The following LAMA5 variants were observed in gnomAD, a reference collection of about 807,000 sequenced individuals.
LAMA5 encodes laminin subunit alpha 5, also known as laminin subunit alpha-5.
LAMA5 carries 260 observed loss-of-function variants against 433.4 expected under a neutral mutation model. That is an observed-to-expected ratio of 0.60 (90% confidence interval 0.54 to 0.66). The LOEUF (loss-of-function observed/expected upper bound fraction) is 0.66, where lower values mean the gene tolerates loss of function less well. Ranked by LOEUF, LAMA5 falls within the 30% of genes least tolerant of loss-of-function variation. The probability of loss-of-function intolerance (pLI) is 0.00; values close to 1 mark genes in which losing one functional copy is unlikely to be tolerated. For missense variants in LAMA5, 5,378 were observed against 5,258.5 expected, an observed-to-expected ratio of 1.02 and a Z score of -0.70; for synonymous variants, 2,620 against 2,226.6, an observed-to-expected ratio of 1.18 and a Z score of -4.97.
In LAMA5 at chr20:62,312,702, G is replaced by C. The variant is rs374561766; in HGVS notation, c.9157C>G (p.Gln3053Glu). 1.5e-4 allele frequency: 233 copies of C among 1,605,228 alleles called. No homozygotes were observed. The Middle Eastern group carries it at 2.0e-3, about 14-fold the overall frequency. The change falls in exon 67 of 80, where the codon CAG (glutamine) becomes GAG (glutamate). Residue 3053 changes from glutamine (Q) to glutamate (E), a missense_variant. Gln to Glu is a conservative substitution (Grantham distance 29). Transcript: ENST00000252999. Reference protein sequence around the residue: ...VERATVYSVEQDNDLELADAY... With the variant: ...VERATVYSVEEDNDLELADAY... ...TCGGCCAGCTCCAGATCATTGTCCT[G>C]CTCCACGCTGTACACCGTGGCCCGC...
rs1986705083 is a variant in LAMA5 at position 62,314,433 on chromosome 20, C to T, written c.8375G>A (p.Gly2792Glu). Reference protein sequence around the residue: ...VMYMGSRQATGDYMGVSLRDK... With the variant: ...VMYMGSRQATEDYMGVSLRDK... ...ACGCAGAGACACACCCATGTAGTCCCCAGTGGCCTGCGGCAGTGACAGACA... is the reference window on the plus strand; with the variant it reads ...ACGCAGAGACACACCCATGTAGTCCTCAGTGGCCTGCGGCAGTGACAGACA... Residue 2792 changes from glycine to glutamate, a missense_variant, in exon 62 of 80, where the codon GGG becomes GAG. Gly to Glu is a moderately conservative substitution (Grantham distance 98, BLOSUM62 -2). Transcript: ENST00000252999. 4 of 1,613,412 alleles carry T rather than the reference C, an allele frequency of 2.5e-6. No homozygotes were observed. Among genetic ancestry groups the T allele is most frequent in the Admixed American group, 1.7e-5 (1 of 60,012 alleles).
chr20:62,333,414 G>C lies in LAMA5; in HGVS notation c.3089C>G (p.Ala1030Gly), dbSNP rs749178612. ...CTGGGCAGAGGGACGGTATGTGCAG[G>C]CCTCAGTCACCCGCAGCTGCAGGAG... ...AALLQLRVTEACTYRPSAQQS... is the reference protein window; with the variant it reads ...AALLQLRVTEGCTYRPSAQQS... Residue 1030 changes from alanine (A) to glycine (G), a missense_variant, in exon 25 of 80, where the codon GCC becomes GGC. Coordinates refer to ENST00000252999, the MANE Select transcript of LAMA5 (RefSeq NM_005560.6). The C allele has an allele frequency of 6.2e-7, 1 of 1,612,740 alleles. No homozygotes were observed.
At position 62,351,729 on chromosome 20, in the gene LAMA5, C is replaced by A; in HGVS notation, c.931G>T (p.Ala311Ser). ...VCHGHADACDAKDPTDPFRLQ... is the reference protein window; with the variant it reads ...VCHGHADACDSKDPTDPFRLQ... ...CTGAACGGGTCCGTGGGGTCTTTGG[C>A]ATCGCAGGCATCCGCGTGGCCGTGG... Residue 311 changes from alanine to serine, a missense_variant, in exon 6 of 80, where the codon GCC becomes TCC. Physicochemically the swap from Ala to Ser is moderately conservative, Grantham distance 99. Coordinates refer to ENST00000252999, the MANE Select transcript of LAMA5 (RefSeq NM_005560.6). 1.2e-6 allele frequency: 2 copies of A among 1,611,918 alleles called. No homozygotes were observed. The highest frequency in any genetic ancestry group is 1.7e-6 in the Non-Finnish European group (2 of 1,179,802).
chr20:62,360,646 G>A (rs199543703), intron 2 of LAMA5, among the ~76,000 whole-genome samples: 5 of 114,074 alleles, frequency 4.4e-5, no homozygotes, highest in African/African-American at 1.7e-4. Context: ...GGGTGGGTGG[G>A]TGGGTGGAGG....
At chr20:62,329,290 A>C in intron 32 of LAMA5, 37 bp from the exon 33 acceptor site, 1 of 1,509,746 alleles carries the variant, frequency 6.6e-7, no homozygotes. Flanking sequence ...CCGCGGGCCC[A>C]GAGCCTGCAG....
chr20:62,324,449 C>T lies in LAMA5; in HGVS notation c.5635G>A (p.Val1879Ile), dbSNP rs561540996. 35 of 1,610,964 alleles carry T rather than the reference C, an allele frequency of 2.2e-5. No individual in the cohort carries two copies. The highest frequency in any genetic ancestry group is 7.7e-5 in the South Asian group (7 of 90,856). ...CACCAGCCCCTACTCACCACACAGA[C>T]GCCAGAGCCAGGGAGGCAGCGGTCT... ...HSDRCLPGSG[V>I]CVDCQHNTEG... The change falls in exon 42 of 80, where the codon GTC becomes ATC. Residue 1879 changes from valine to isoleucine, a missense_variant. Val to Ile is a conservative substitution (Grantham distance 29). Coordinates refer to ENST00000252999, the MANE Select transcript of LAMA5 (RefSeq NM_005560.6). This position sits in a 1 kb window ranked among gnomAD's most constrained non-coding sequence, Gnocchi z 4.4.
chr20:62,316,135 C>G, intron 57 of LAMA5, 77 bp from the exon 58 acceptor site: 1 of 986,338 alleles, frequency 1.0e-6, no homozygotes, highest in Non-Finnish European at 1.5e-6. Context: ...ACCCTTCTGA[C>G]CCCAGGAGGA....
Position 62,318,498 on chromosome 20 carries a change from G to T in LAMA5, c.7195C>A (p.Gln2399Lys), listed in dbSNP as rs1484193829. 7 of 1,608,474 alleles carry T rather than the reference G, an allele frequency of 4.4e-6. No homozygotes were observed. In the South Asian group the frequency reaches 4.4e-5, roughly 10 times the overall value. The change falls in exon 53 of 80, where the codon CAG becomes AAG. Residue 2399 changes from glutamine (Q) to lysine (K), a missense_variant. Gln to Lys is a moderately conservative substitution (Grantham distance 53). Coordinates refer to ENST00000252999, the MANE Select transcript of LAMA5 (RefSeq NM_005560.6). ...NRAVDATREA[Q>K]ELNSRNQERL... ...TCCTGGTTGCGGCTGTTGAGCTCCT[G>T]GGCCTCCCGTGTGGCGTCCACTGCC... is the stretch of plus-strand genomic sequence containing the variant.
intron 76 of LAMA5, 30 bp from the exon 77 acceptor site, chr20:62,310,341 A>AGGG (rs746325128): frequency 6.3e-7 from 1 of 1,577,620 alleles, no homozygotes; most frequent in South Asian, 1.2e-5. Context: ...TGGAGAAGAA[A>AGGG]GGGGGGGCCC....
Position 62,309,361 on chromosome 20 carries a change from C to T in LAMA5, c.11063G>A (p.Gly3688Glu), listed in dbSNP as rs551763507. ...CTAGGCGGCTGGGCAGCCACTGGCCCCCACTGCCCCGTGGACCTCCACAGA... is the reference window on the plus strand; with the variant it reads ...CTAGGCGGCTGGGCAGCCACTGGCCTCCACTGCCCCGTGGACCTCCACAGA... The part of the protein sequence containing the change: ...TRSVEVHGAV[G>E]ASGCPAA Residue 3688 changes from glycine to glutamate, a missense_variant, in exon 80 of 80, where the codon GGG becomes GAG. Gly to Glu is a moderately conservative substitution (Grantham distance 98, BLOSUM62 -2). Transcript: ENST00000252999. 6.9e-6 allele frequency: 11 copies of T among 1,590,332 alleles called. 1 individual carries two copies. Among genetic ancestry groups the T allele is most frequent in the Middle Eastern group, 2.3e-4 (1 of 4,420 alleles).
intron 1 of LAMA5, among the ~76,000 whole-genome samples, chr20:62,364,206 A>G (rs985851231): frequency 2.6e-5 from 4 of 151,978 alleles, no homozygotes; most frequent in Non-Finnish European, 5.9e-5. Flanking sequence ...TGGCCCCCAA[A>G]CTCAAGAGCT....
chr20:62,358,681 G>A (rs1489605282), intron 2 of LAMA5, among the ~76,000 whole-genome samples: 1 of 152,170 alleles, frequency 6.6e-6, no homozygotes, highest in Admixed American at 6.5e-5. Flanking sequence ...AACCCAGACT[G>A]CAGACAGCAT....
At chr20:62,321,414 C>CGGGTAGGGTCAGTGGAG (rs1987732663) in intron 48 of LAMA5, among the ~76,000 whole-genome samples, 1 of 2,964 alleles carries the variant, frequency 3.4e-4, no homozygotes, top group Non-Finnish European at 6.3e-4. Flanking sequence ...GTTCAGAGGA[C>CGGGTAGGGTCAGTGGAG]GGGTAGGGTC....
chr20:62,313,272 G>A (rs1333635451), intron 64 of LAMA5, 22 bp from the exon 65 acceptor site: 4 of 1,368,500 alleles, frequency 2.9e-6, no homozygotes, highest in African/African-American at 1.5e-5. Context: ...AGATTCTGGG[G>A]TCAGCGGAGG....
chr20:62,340,886 T>A (rs560596089), intron 11 of LAMA5, among the ~76,000 whole-genome samples: 175 of 151,442 alleles, frequency 1.2e-3, no homozygotes, highest in African/African-American at 3.8e-3. Context: ...AATACAAAAA[T>A]TACCCAAGTA....
chr20:62,345,973 G>A, intron 10 of LAMA5, 96 bp from the exon 11 acceptor site: 1 of 1,576,728 alleles, frequency 6.3e-7, no homozygotes, highest in South Asian at 1.1e-5. Context: ...AATCGGAGAT[G>A]CAGGCAGGAT....
At chr20:62,318,696 C>T in intron 52 of LAMA5, 46 bp from the exon 53 acceptor site, 1 of 1,594,192 alleles carries the variant, frequency 6.3e-7, no homozygotes, top group Non-Finnish European at 8.5e-7. Flanking sequence ...AGCCAGGCCC[C>T]TTCATGACCC....
In LAMA5 at chr20:62,322,356, G is replaced by A; in HGVS notation, c.6259C>T (p.Gln2087Ter). ...EGSECHPQSGQCHCRPGTMGP... is the reference protein window; with the variant it reads ...EGSECHPQSG ...ATGGTCCCTGGTCGGCAGTGGCACT[G>A]TCCGCTCTGGGGGTGGCACTCGGAG... Residue 2087 changes from glutamine to a stop codon, truncating the protein, a stop_gained, in exon 47 of 80, where the codon CAG (glutamine) becomes TAG (stop). Coordinates refer to ENST00000252999, the MANE Select transcript of LAMA5 (RefSeq NM_005560.6). LOFTEE classifies it high-confidence loss of function. 1 of 1,593,788 alleles carries A rather than the reference G, an allele frequency of 6.3e-7. No individual in the cohort carries two copies.
At position 62,330,590 on chromosome 20, in the gene LAMA5, C is replaced by T; in HGVS notation, c.3877G>A (p.Val1293Met). The change falls in exon 31 of 80, where the codon GTG becomes ATG. Residue 1293 changes from valine (V) to methionine (M), a missense_variant. Coordinates refer to ENST00000252999, the MANE Select transcript of LAMA5 (RefSeq NM_005560.6). ...AAGGCATAGCGGCCCAGCGTGGGCA[C>T]ATGGGTGGTGAAGACCACGGTGGCC... ...PQATVVFTTH[V>M]PTLGRYAFLL... 1 of 1,593,722 alleles carries T rather than the reference C, an allele frequency of 6.3e-7. No homozygotes were observed. Among genetic ancestry groups the T allele is most frequent in the South Asian group, 1.1e-5 (1 of 87,300 alleles).
Sources: allele counts gnomAD v4.1 joint callset (sites outside exome capture counted in the v4.1 genomes callset), GRCh38; gene constraint gnomAD v4.1.1; non-coding constraint Gnocchi (gnomAD v3.1); transcripts MANE v1.5; gene names NCBI Gene and HGNC (gene_info 2026-07-23, HGNC 2026-07-21).